Variants in RIPOR1 observed in about 807,000 individuals in gnomAD.
RIPOR1 encodes rho family-interacting cell polarization regulator 1.
Under a neutral mutation model 116.5 loss-of-function variants are expected in RIPOR1, and 58 were observed. The ratio of observed to expected loss-of-function variants is 0.50; its 90% CI spans 0.40 to 0.62. RIPOR1 has a LOEUF of 0.62. Ranked by LOEUF, RIPOR1 falls within the 20% of genes least tolerant of loss-of-function variation. The pLI, the probability that RIPOR1 is intolerant of heterozygous loss-of-function variation, is 0.00. For synonymous variants in RIPOR1, 605 were observed against 650.0 expected (o/e 0.93, Z 1.05); for missense variants, 1,372 against 1,586.2 (o/e 0.86, Z 2.29).
Position 67,539,073 on chromosome 16 carries a change from G to A in RIPOR1, c.336+5G>A. On this transcript the variant is annotated splice_donor_5th_base_variant and intron_variant, in intron 4 of 21. Coordinates refer to ENST00000042381, the MANE Select transcript of RIPOR1 (RefSeq NM_024519.4). Reference sequence around the variant, plus strand: ...TCCAAGAGGAATTCCCGCTTGGTGAGTGGCGGGAGGTACGGATGCCCTTTG... The same window carrying A: ...TCCAAGAGGAATTCCCGCTTGGTGAATGGCGGGAGGTACGGATGCCCTTTG... The A allele has an allele frequency of 6.2e-7, 1 of 1,611,266 alleles. No homozygotes were observed. Among genetic ancestry groups the A allele is most frequent in the Non-Finnish European group, 8.5e-7 (1 of 1,178,958 alleles).
intron 2 of RIPOR1, 51 bp downstream of exon 2, chr16:67,538,601 G>A (rs528170969): frequency 3.1e-6 from 5 of 1,607,084 alleles, no homozygotes; most frequent in Admixed American, 1.7e-5. Context: ...GATGGGGCTG[G>A]GTCTGGGGGT....
At chr16:67,527,640 G>T (rs1158579798), upstream of RIPOR1, among the ~76,000 whole-genome samples, 1 of 152,022 alleles carries the variant, frequency 6.6e-6, no homozygotes, top group Non-Finnish European at 1.5e-5. Flanking sequence ...ACTTTGGGAG[G>T]CCAAGGCGGG....
rs763369738 is a variant in RIPOR1 at position 67,540,663 on chromosome 16, A to G, written c.760A>G (p.Thr254Ala). 2 of 1,611,672 alleles carry G rather than the reference A, an allele frequency of 1.2e-6. No homozygotes were observed. Among genetic ancestry groups the G allele is most frequent in the East Asian group, 4.5e-5 (2 of 44,840 alleles). ...SGKQVWDSEETIFLPLLTEFL... is the reference protein window; with the variant it reads ...SGKQVWDSEEAIFLPLLTEFL... ...AAAGCAGGTGTGGGACAGTGAAGAA[A>G]CCATCTTTCTCCCTCTACTCACGGA... The change falls in exon 10 of 22, where the codon ACC (threonine) becomes GCC (alanine). Residue 254 changes from threonine to alanine, a missense_variant. By Grantham distance (58) the Thr-to-Ala change is moderately conservative. This residue lies in a region of RIPOR1 where 202 missense variants were observed against 295.9 expected (regional missense o/e 0.68). Coordinates refer to ENST00000042381, the MANE Select transcript of RIPOR1 (RefSeq NM_024519.4). This position sits in a 1 kb window ranked among gnomAD's most constrained non-coding sequence, Gnocchi z 4.7.
rs1033174326 is a variant in RIPOR1, at chr16:67,529,655, C to G, written c.-24+741C>G. 1 of 1,055,280 alleles carries G rather than the reference C, an allele frequency of 9.5e-7. No individual in the cohort carries two copies. The highest frequency in any genetic ancestry group is 1.6e-5 in the African/African-American group (1 of 63,142). The allele number at this position is 1,055,280 out of a possible 1,614,324, so 65.4% of individuals were successfully genotyped here. A position where few individuals can be genotyped will look rare whatever the true frequency, so the allele number is the denominator to read the frequency against. On this transcript the variant is annotated intron_variant, in intron 1 of 21. Coordinates refer to ENST00000042381, the MANE Select transcript of RIPOR1 (RefSeq NM_024519.4). The surrounding 1 kb of genome is among the most constrained non-coding windows in gnomAD (Gnocchi z 4.1). ...TCTCCAGGGTGAGCCCTGAGTCCGGCCTCCCCTACAGACCCTCCCCAGCCA... is the reference window on the plus strand; with the variant it reads ...TCTCCAGGGTGAGCCCTGAGTCCGGGCTCCCCTACAGACCCTCCCCAGCCA...
In RIPOR1 at chr16:67,537,387, T is replaced by C. The variant is rs2050821024; in HGVS notation, c.-23-1037T>C. Reference sequence around the variant, plus strand: ...GTCCCCTCCCCGAGGGGAACCCCAGTCACCGGTCCCGCCCCATCCAGGCGG... The same window carrying C: ...GTCCCCTCCCCGAGGGGAACCCCAGCCACCGGTCCCGCCCCATCCAGGCGG... On this transcript the variant is annotated intron_variant, in intron 1 of 21. Transcript: ENST00000042381. The surrounding 1 kb of genome is among the most constrained non-coding windows in gnomAD (Gnocchi z 4.6). 10 of 1,230,030 alleles carry C rather than the reference T, an allele frequency of 8.1e-6. No homozygotes were observed. In the East Asian group the frequency reaches 1.3e-4, roughly 16 times the overall value. The allele number at this position is 1,230,030 out of a possible 1,614,324, so 76.2% of individuals were successfully genotyped here.
Position 67,544,663 on chromosome 16 carries a change from G to A in RIPOR1, c.2734-32G>A. The A allele has an allele frequency of 6.2e-7, 1 of 1,610,662 alleles. No individual in the cohort carries two copies. The highest frequency in any genetic ancestry group is 8.5e-7 in the Non-Finnish European group (1 of 1,179,946). On this transcript the variant is annotated intron_variant, in intron 15 of 21. Coordinates refer to ENST00000042381, the MANE Select transcript of RIPOR1 (RefSeq NM_024519.4). This position sits in a 1 kb window ranked among gnomAD's most constrained non-coding sequence, Gnocchi z 5.1. ...CGATCCTCCCGAGCCCTACCCTGAG[G>A]CCTGAGCTACTTGGCCACCCATGTT...
In RIPOR1 at chr16:67,542,012, C is replaced by A. The variant is rs1295302319; in HGVS notation, c.1226C>A (p.Pro409His). The A allele has an allele frequency of 6.2e-7, 1 of 1,609,714 alleles. No homozygotes were observed. The highest frequency in any genetic ancestry group is 8.5e-7 in the Non-Finnish European group (1 of 1,177,254). Residue 409 changes from proline to histidine, a missense_variant, in exon 13 of 22, where the codon CCC (proline) becomes CAC (histidine). Pro to His is a moderately conservative substitution (Grantham distance 77). Around this residue, in one of 3 missense-constraint regions of RIPOR1, gnomAD observed 1,005 missense variants for 1,144.7 expected, o/e 0.88. Coordinates refer to ENST00000042381, the MANE Select transcript of RIPOR1 (RefSeq NM_024519.4). This position sits in a 1 kb window ranked among gnomAD's most constrained non-coding sequence, Gnocchi z 4.6. ...APRPLVQQPE[P>H]LPIQVAFRRP... ...AGGCCCCTGGTGCAGCAGCCCGAGC[C>A]CCTTCCCATCCAAGTTGCCTTCCGC...
Position 67,544,793 on chromosome 16 carries a change from C to A in RIPOR1, c.2832C>A (p.Ser944Arg). The part of the protein sequence containing the change: ...ARVLEAVCEF[S>R]RRWEIPASSA... Reference sequence around the variant, plus strand: ...TACTGGAGGCAGTATGCGAGTTCAGCAGGCGGTGGGAGATCCCGGCCAGCT... The same window carrying A: ...TACTGGAGGCAGTATGCGAGTTCAGAAGGCGGTGGGAGATCCCGGCCAGCT... The change falls in exon 16 of 22, where the codon AGC becomes AGA. Residue 944 changes from serine (S) to arginine (R), a missense_variant. Transcript: ENST00000042381. This position sits in a 1 kb window ranked among gnomAD's most constrained non-coding sequence, Gnocchi z 5.1. 6.2e-7 allele frequency: 1 copy of A among 1,600,804 alleles called. No homozygotes were observed. Among genetic ancestry groups the A allele is most frequent in the Non-Finnish European group, 8.5e-7 (1 of 1,170,044 alleles).
At position 67,545,486 on chromosome 16, in the gene RIPOR1, T is replaced by C; in HGVS notation, c.3142T>C (p.Leu1048=). The C allele has an allele frequency of 1.2e-6, 2 of 1,614,022 alleles. No individual in the cohort carries two copies. Among genetic ancestry groups the C allele is most frequent in the Non-Finnish European group, 1.7e-6 (2 of 1,180,018 alleles). The change falls in exon 18 of 22, where the codon TTG becomes CTG. Residue 1048 remains leucine, a synonymous_variant. Coordinates refer to ENST00000042381, the MANE Select transcript of RIPOR1 (RefSeq NM_024519.4). The surrounding 1 kb of genome is among the most constrained non-coding windows in gnomAD (Gnocchi z 4.8). ...CCAGTTCTGGAGTTTTGTGGAAACC[T>C]TGGACAGCCCCACCATGGAGGCCTA... is the stretch of plus-strand genomic sequence containing the variant. ...VFQFWSFVET[L]DSPTMEAYVT...
At chr16:67,520,337 C>T (rs1338423665) in intron 1 of RIPOR1, among the ~76,000 whole-genome samples, 1 of 148,064 alleles carries the variant, frequency 6.8e-6, no homozygotes, top group African/African-American at 2.5e-5. Flanking sequence ...GCTGAGATCG[C>T]GCCACTGCAC....
rs191282321 is a variant in RIPOR1 at position 67,529,596 on chromosome 16, G to A, written c.-24+682G>A. On this transcript the variant is annotated intron_variant, in intron 1 of 21. Coordinates refer to ENST00000042381, the MANE Select transcript of RIPOR1 (RefSeq NM_024519.4). The surrounding 1 kb of genome is among the most constrained non-coding windows in gnomAD (Gnocchi z 4.1). Reference sequence around the variant, plus strand: ...GGGCTGCTCACCAGGGCTAGAGGTCGGATTCAGTCCAGATTCAGCACCCTT... The same window carrying A: ...GGGCTGCTCACCAGGGCTAGAGGTCAGATTCAGTCCAGATTCAGCACCCTT... The A allele has an allele frequency of 8.1e-6, 5 of 617,302 alleles. No individual in the cohort carries two copies. Among genetic ancestry groups the A allele is most frequent in the Non-Finnish European group, 1.4e-5 (5 of 356,900 alleles). The allele number at this position is 617,302 out of a possible 1,614,324, so 38.2% of individuals were successfully genotyped here. A position where few individuals can be genotyped will look rare whatever the true frequency, so the allele number is the denominator to read the frequency against.
Position 67,541,747 on chromosome 16 carries a change from C to G in RIPOR1, c.1045C>G (p.Pro349Ala). ...CTTCTCCACCTATAGCCAGAGCCCA[C>G]CGGACACACCCTCACTTCGGGAACA... ...KRFSTYSQSP[P>A]DTPSLREQAF... Residue 349 changes from proline to alanine, a missense_variant, in exon 12 of 22, where the codon CCG becomes GCG. By Grantham distance (27) the Pro-to-Ala change is conservative. This residue lies in a region of RIPOR1 where 1,005 missense variants were observed against 1,144.7 expected (regional missense o/e 0.88). Transcript: ENST00000042381. The surrounding 1 kb of genome is among the most constrained non-coding windows in gnomAD (Gnocchi z 4.6). 1 of 1,614,136 alleles carries G rather than the reference C, an allele frequency of 6.2e-7. No homozygotes were observed. Among genetic ancestry groups the G allele is most frequent in the Non-Finnish European group, 8.5e-7 (1 of 1,180,002 alleles).
chr16:67,523,936 C>T (rs1251937847), upstream of RIPOR1, among the ~76,000 whole-genome samples: 1 of 152,114 alleles, frequency 6.6e-6, no homozygotes, highest in Non-Finnish European at 1.5e-5. Context: ...CCTTGCCTCC[C>T]GAAGTGCTGA....
chr16:67,530,175 G>A lies in RIPOR1; in HGVS notation c.-24+1261G>A. ...GGGTCCCGCTTGAGAGAAGCGGGCG[G>A]GGAGGGCGCGGGTGAGTCACGGCGG... On this transcript the variant is annotated intron_variant, in intron 1 of 21. Coordinates refer to ENST00000042381, the MANE Select transcript of RIPOR1 (RefSeq NM_024519.4). The surrounding 1 kb of genome is among the most constrained non-coding windows in gnomAD (Gnocchi z 4.5). The A allele has an allele frequency of 2.8e-6, 1 of 363,178 alleles. No individual in the cohort carries two copies. The highest frequency in any genetic ancestry group is 5.1e-6 in the Non-Finnish European group (1 of 197,852). 22.5% of individuals were successfully genotyped at this position (363,178 alleles called of 1,614,324 possible). A position where few individuals can be genotyped will look rare whatever the true frequency, so the allele number is the denominator to read the frequency against.
In RIPOR1 at chr16:67,543,210, T is replaced by A. The variant is rs2051050754; in HGVS notation, c.2424T>A (p.Phe808Leu). The A allele has an allele frequency of 1.3e-6, 2 of 1,566,012 alleles. No homozygotes were observed. The highest frequency in any genetic ancestry group is 8.7e-7 in the Non-Finnish European group (1 of 1,154,106). The change falls in exon 13 of 22, where the codon TTT becomes TTA. Residue 808 changes from phenylalanine to leucine, a missense_variant. Physicochemically the swap from Phe to Leu is conservative, Grantham distance 22 (BLOSUM62 0). Coordinates refer to ENST00000042381, the MANE Select transcript of RIPOR1 (RefSeq NM_024519.4). The surrounding 1 kb of genome is among the most constrained non-coding windows in gnomAD (Gnocchi z 4.7). ...CCCTGGATGACTACCGTGGCCAGTT[T>A]CCTGAGCTGCAGGGCCTGGAGCAGG... The part of the protein sequence containing the change: ...MAALDDYRGQ[F>L]PELQGLEQEV...
In RIPOR1 at chr16:67,543,311, G is replaced by A. The variant is rs775515121; in HGVS notation, c.2479-37G>A. 1.2e-6 allele frequency: 2 copies of A among 1,607,346 alleles called. No individual in the cohort carries two copies. The highest frequency in any genetic ancestry group is 1.7e-5 in the Admixed American group (1 of 58,934). On this transcript the variant is annotated intron_variant, in intron 13 of 21. Transcript: ENST00000042381. This position sits in a 1 kb window ranked among gnomAD's most constrained non-coding sequence, Gnocchi z 4.7. ...TAGGGCAACCAGGGAGGGCAGCCAGGGGGCGGCAGCCGCTCTGATGCCCTT... is the reference window on the plus strand; with the variant it reads ...TAGGGCAACCAGGGAGGGCAGCCAGAGGGCGGCAGCCGCTCTGATGCCCTT...
chr16:67,542,130 G>A lies in RIPOR1; in HGVS notation c.1344G>A (p.Leu448=), dbSNP rs1567573554. The change falls in exon 13 of 22, where the codon CTG becomes CTA. Residue 448 remains leucine, a synonymous_variant. Coordinates refer to ENST00000042381, the MANE Select transcript of RIPOR1 (RefSeq NM_024519.4). The surrounding 1 kb of genome is among the most constrained non-coding windows in gnomAD (Gnocchi z 4.6). ...ANGHAPYSRT[L]SHISEASVDA... ...GGCATGCACCCTACAGTCGGACTCTGAGCCACATCAGTGAGGCTAGTGTAG... is the reference window on the plus strand; with the variant it reads ...GGCATGCACCCTACAGTCGGACTCTAAGCCACATCAGTGAGGCTAGTGTAG... 5 of 1,613,714 alleles carry A rather than the reference G, an allele frequency of 3.1e-6. No individual in the cohort carries two copies. Among genetic ancestry groups the A allele is most frequent in the Non-Finnish European group, 4.2e-6 (5 of 1,179,698 alleles).
In RIPOR1 at chr16:67,542,643, C is replaced by G; in HGVS notation, c.1857C>G (p.Ser619=). ...CCACAGCAAGCCCCACTCATACTTC[C>G]ACAAGCCCCACCCATACCCCCACAA... ...THTTASPTHT[S]TSPTHTPTSP... is the part of the protein sequence containing the mutation. Residue 619 remains serine, a synonymous_variant, in exon 13 of 22, where the codon TCC becomes TCG. Transcript: ENST00000042381. The surrounding 1 kb of genome is among the most constrained non-coding windows in gnomAD (Gnocchi z 4.6). 6.2e-7 allele frequency: 1 copy of G among 1,613,426 alleles called. No individual in the cohort carries two copies.
intron 3 of RIPOR1, 50 bp from the exon 4 acceptor site, chr16:67,538,940 G>A: frequency 6.2e-7 from 1 of 1,611,240 alleles, no homozygotes; most frequent in East Asian, 2.2e-5. Context: ...ACCCTGGGCA[G>A]CATGAGGCTG....
Sources: gnomAD v4.1 joint callset for allele counts (sites outside exome capture counted in the v4.1 genomes callset) on GRCh38, gnomAD v4.1.1 for gene constraint, gnomAD v4.1.1 regional missense constraint, Gnocchi (gnomAD v3.1) non-coding constraint, MANE v1.5 for transcripts, NCBI Gene and HGNC (gene_info 2026-07-23, HGNC 2026-07-21) for gene names.